KCNAB1: variants seen among roughly 807,000 people sequenced by gnomAD.
KCNAB1 encodes the protein potassium voltage-gated channel subfamily A regulatory beta subunit 1, also known as voltage-gated potassium channel subunit beta-1.
Under a neutral mutation model 64.6 loss-of-function variants are expected in KCNAB1, and 35 were observed. The ratio of observed to expected loss-of-function variants is 0.54; its 90% CI spans 0.41 to 0.72. The LOEUF (loss-of-function observed/expected upper bound fraction) is 0.72. KCNAB1 is among the 30% of genes least tolerant of loss of function. The pLI is 0.00. For synonymous variants in KCNAB1, 177 were observed against 183.8 expected, an observed-to-expected ratio of 0.96 and a Z score of 0.30; for missense variants, 401 against 512.9, an observed-to-expected ratio of 0.78 and a Z score of 2.11.
chr3:156,156,834 A>AATATATAAAT (rs1715754049), intron 1 of KCNAB1, among the ~76,000 whole-genome samples: 1 of 152,172 alleles, frequency 6.6e-6, no homozygotes, highest in Admixed American at 6.5e-5. Context: ...TATAAATATA[A>AATATATAAAT]ATATATAAAT....
chr3:156,354,698 T>C (rs1725111500), intron 1 of KCNAB1, among the ~76,000 whole-genome samples: 1 of 141,756 alleles, frequency 7.1e-6, no homozygotes, highest in South Asian at 2.2e-4. Flanking sequence ...TCACCAGTCC[T>C]GCTTAATCAA....
At chr3:156,157,799 A>G (rs1206365194) in intron 1 of KCNAB1, among the ~76,000 whole-genome samples, 1 of 152,224 alleles carries the variant, frequency 6.6e-6, no homozygotes, top group East Asian at 1.9e-4. Context: ...GATGAAAAAC[A>G]CACAAATATT....
intron 1 of KCNAB1, among the ~76,000 whole-genome samples, chr3:156,203,924 C>G (rs764625836): frequency 1.3e-5 from 2 of 152,076 alleles, no homozygotes; most frequent in Non-Finnish European, 2.9e-5. Context: ...TCTGTGATTA[C>G]TCATATATTC....
intron 3 of KCNAB1, chr3:156,456,809 C>T (rs1428223364): frequency 6.5e-6 from 1 of 152,842 alleles, no homozygotes; most frequent in Non-Finnish European, 1.5e-5. Flanking sequence ...CTGTCATACT[C>T]ACCACTTGCG....
At chr3:156,198,616 C>CTTTTTTTTTTTT (rs59410120) in intron 1 of KCNAB1, among the ~76,000 whole-genome samples, 2 of 118,530 alleles carry the variant, frequency 1.7e-5, no homozygotes, top group Non-Finnish European at 3.4e-5. Flanking sequence ...GCAAACCCTG[C>CTTTTTTTTTTTT]TTTTTTTTTT....
At chr3:156,271,357 T>A (rs776216125) in intron 1 of KCNAB1, among the ~76,000 whole-genome samples, 168 of 152,286 alleles carry the variant, frequency 1.1e-3, no homozygotes, top group South Asian at 1.7e-3. Flanking sequence ...ATATTGTTGG[T>A]GTGTTTTATT....
chr3:156,528,484 G>A (rs2108419219), intron 12 of KCNAB1, among the ~76,000 whole-genome samples: 1 of 152,296 alleles, frequency 6.6e-6, no homozygotes, highest in South Asian at 2.1e-4. Flanking sequence ...GGCAAGTCAA[G>A]AAAATAAACA....
intron 8 of KCNAB1, among the ~76,000 whole-genome samples, chr3:156,492,283 ACTT>A (rs757676874): frequency 2.6e-5 from 4 of 152,160 alleles, no homozygotes; most frequent in Non-Finnish European, 5.9e-5. Flanking sequence ...CATATTGGTT[ACTT>A]CTTTTAATTG....
intron 2 of KCNAB1, among the ~76,000 whole-genome samples, chr3:156,433,788 T>C (rs1716394671): frequency 6.6e-6 from 1 of 152,212 alleles, no homozygotes; most frequent in Non-Finnish European, 1.5e-5. Context: ...TTGGCTTGAT[T>C]GTTGCTTTCC....
chr3:156,538,603 T>G lies in KCNAB1; in HGVS notation c.*1856T>G, dbSNP rs952384776. ...ATAAAAGCATTTTGTGCATTCAATC[T>G]TACAATAGATTTTATCTGATCTTTC... On this transcript the variant is annotated 3_prime_UTR_variant, in exon 14 of 14. Transcript: ENST00000490337. 6.6e-6 allele frequency: 1 copy of G among 152,274 alleles called. No individual in the cohort carries two copies. Among genetic ancestry groups the G allele is most frequent in the Non-Finnish European group, 1.5e-5 (1 of 68,050 alleles). The allele number at this position is 152,274 out of a possible 1,614,324, so 9.4% of individuals were successfully genotyped here.
chr3:156,454,067 G>A (rs1405533129), intron 3 of KCNAB1, among the ~76,000 whole-genome samples: 2 of 152,222 alleles, frequency 1.3e-5, no homozygotes, highest in Admixed American at 6.5e-5. Context: ...ATCTGAGAGA[G>A]AAGTCTTAAC....
intron 1 of KCNAB1, among the ~76,000 whole-genome samples, chr3:156,154,081 T>G (rs1715572788): frequency 6.6e-6 from 1 of 152,216 alleles, no homozygotes; most frequent in Non-Finnish European, 1.5e-5. Flanking sequence ...CCAGGCCTAT[T>G]CATAGTGGGG....
At chr3:156,174,797 C>T (rs533055274) in intron 1 of KCNAB1, among the ~76,000 whole-genome samples, 23 of 152,278 alleles carry the variant, frequency 1.5e-4, no homozygotes, top group Middle Eastern at 3.4e-3. Flanking sequence ...ACGCAGGGGT[C>T]TAAAAAGGTA....
chr3:156,404,178 G>T (rs544713486), intron 1 of KCNAB1, among the ~76,000 whole-genome samples: 21 of 151,840 alleles, frequency 1.4e-4, no homozygotes, highest in Non-Finnish European at 2.5e-4. Context: ...CCTTTTTTTG[G>T]CCTGAATTTG....
intron 2 of KCNAB1, among the ~76,000 whole-genome samples, chr3:156,448,187 C>G (rs985203954): frequency 6.6e-6 from 1 of 152,172 alleles, no homozygotes; most frequent in Non-Finnish European, 1.5e-5. Flanking sequence ...TATACTCTCC[C>G]TTCTTTTAAA....
chr3:156,427,834 TGCTTCTACAGTTAGAAAGGA>T (rs1257877294), intron 2 of KCNAB1, among the ~76,000 whole-genome samples: 1 of 152,180 alleles, frequency 6.6e-6, no homozygotes, highest in African/African-American at 2.4e-5. Context: ...TCAGGGCTCT[TGCTTCTACAGTTAGAAAGGA>T]GCATCTGCCC....
At chr3:156,193,758 C>T (rs776943332) in intron 1 of KCNAB1, among the ~76,000 whole-genome samples, 12 of 152,102 alleles carry the variant, frequency 7.9e-5, no homozygotes, top group Non-Finnish European at 1.2e-4. Context: ...GTCCCTTCCT[C>T]GACATGTGGG....
At chr3:156,220,540 C>A (rs1715649654) in intron 1 of KCNAB1, among the ~76,000 whole-genome samples, 1 of 152,138 alleles carries the variant, frequency 6.6e-6, no homozygotes, top group Admixed American at 6.5e-5. Context: ...CTGTTCATAT[C>A]CTTTGCCCAC....
At chr3:156,450,516 C>A (rs910281509) in intron 2 of KCNAB1, among the ~76,000 whole-genome samples, 9 of 152,180 alleles carry the variant, frequency 5.9e-5, no homozygotes, top group Non-Finnish European at 1.2e-4. Context: ...TTTTAACATA[C>A]CAAGCTACAA....
Sources: gnomAD v4.1 joint callset for allele counts (sites outside exome capture counted in the v4.1 genomes callset) on GRCh38, gnomAD v4.1.1 for gene constraint, MANE v1.5 for transcripts, NCBI Gene and HGNC (gene_info 2026-07-23, HGNC 2026-07-21) for gene names.